Variants in VPS13A observed in about 807,000 individuals in gnomAD.
VPS13A encodes intermembrane lipid transfer protein VPS13A.
In VPS13A, 264 loss-of-function variants were observed where a neutral mutation model predicts 390.9. The ratio of observed to expected loss-of-function variants is 0.68; its 90% CI spans 0.61 to 0.75. The LOEUF (loss-of-function observed/expected upper bound fraction) is 0.75. Ranked by LOEUF, VPS13A falls within the 30% of genes least tolerant of loss-of-function variation. VPS13A has a pLI of 0.00. For synonymous variants in VPS13A, 1,231 were observed against 1,227.1 expected, an observed-to-expected ratio of 1.00 and a Z score of -0.07; for missense variants, 3,409 against 3,733.9, an observed-to-expected ratio of 0.91 and a Z score of 2.27.
intron 23 of VPS13A, among the ~76,000 whole-genome samples, chr9:77,260,883 T>G (rs963539730): frequency 6.6e-6 from 1 of 151,990 alleles, no homozygotes; most frequent in African/African-American, 2.4e-5. Flanking sequence ...TATGTGTGTG[T>G]ATACATACAT....
intron 13 of VPS13A, among the ~76,000 whole-genome samples, chr9:77,222,633 T>C (rs1044166013): frequency 2.6e-5 from 4 of 152,186 alleles, no homozygotes; most frequent in African/African-American, 9.6e-5. Context: ...TATTCCTGTC[T>C]ATGTGTCACA....
intron 22 of VPS13A, among the ~76,000 whole-genome samples, chr9:77,253,936 CTTTTTTTT>C (rs1172781069): frequency 1.1e-4 from 6 of 55,064 alleles, no homozygotes; most frequent in South Asian, 1.6e-3. Flanking sequence ...GGCCTTTATT[CTTTTTTTT>C]TTTTTTTTTT....
intron 1 of VPS13A, among the ~76,000 whole-genome samples, chr9:77,196,673 T>C (rs1305204545): frequency 6.7e-6 from 1 of 149,630 alleles, no homozygotes; most frequent in Non-Finnish European, 1.5e-5. Context: ...TTGTTTTGTT[T>C]TGTTTTTTTT....
At chr9:77,404,159 A>G (rs1253388433) in intron 69 of VPS13A, among the ~76,000 whole-genome samples, 3 of 152,196 alleles carry the variant, frequency 2.0e-5, no homozygotes, top group African/African-American at 7.2e-5. Context: ...GTAAGTCTTC[A>G]TTCCACCCCA....
chr9:77,252,418 T>C, intron 22 of VPS13A, 66 bp downstream of exon 22: 1 of 1,245,204 alleles, frequency 8.0e-7, no homozygotes, highest in Non-Finnish European at 1.2e-6. Context: ...GGAAATACCA[T>C]ACTTAACTGA....
At chr9:77,280,371 G>GT (rs989703766) in intron 27 of VPS13A, 133 bp downstream of exon 27, 78 of 651,972 alleles carry the variant, frequency 1.2e-4, no homozygotes, top group African/African-American at 1.5e-4. Context: ...TAATACTAAG[G>GT]TTTTTTTTAT....
chr9:77,339,559 C>G lies in VPS13A; in HGVS notation c.6422C>G (p.Ala2141Gly), dbSNP rs1234360682. The G allele has an allele frequency of 6.3e-7, 1 of 1,581,192 alleles. No homozygotes were observed. The highest frequency in any genetic ancestry group is 1.4e-5 in the African/African-American group (1 of 73,754). ...SVFTLSEGHS[A>G]QICTAQLGKA... ...TTTACTCTAAGTGAAGGACATTCAGCCCAGATTTGTACTGCACAGTTGGGT... is the reference window on the plus strand; with the variant it reads ...TTTACTCTAAGTGAAGGACATTCAGGCCAGATTTGTACTGCACAGTTGGGT... The change falls in exon 48 of 72, where the codon GCC becomes GGC. Residue 2141 changes from alanine to glycine, a missense_variant. Ala to Gly is a moderately conservative substitution (Grantham distance 60). Coordinates refer to ENST00000360280, the MANE Select transcript of VPS13A (RefSeq NM_033305.3).
At chr9:77,236,505 C>G (rs909092626) in intron 17 of VPS13A, among the ~76,000 whole-genome samples, 2 of 152,122 alleles carry the variant, frequency 1.3e-5, no homozygotes, top group African/African-American at 4.8e-5. Flanking sequence ...ATGTAGTTTT[C>G]CATTTGTTTA....
chr9:77,250,047 T>TA, intron 20 of VPS13A, 50 bp from the exon 21 acceptor site: 1 of 1,598,966 alleles, frequency 6.3e-7, no homozygotes, highest in Non-Finnish European at 8.5e-7. Flanking sequence ...ACTTTATACT[T>TA]ACATTTTGAA....
At chr9:77,225,632 G>C (rs1823465392) in intron 13 of VPS13A, among the ~76,000 whole-genome samples, 1 of 152,132 alleles carries the variant, frequency 6.6e-6, no homozygotes, top group African/African-American at 2.4e-5. Flanking sequence ...TTTAAACAAT[G>C]CATGTACATA....
At chr9:77,388,405 A>G (rs1833776040) in intron 68 of VPS13A, among the ~76,000 whole-genome samples, 1 of 152,122 alleles carries the variant, frequency 6.6e-6, no homozygotes, top group Non-Finnish European at 1.5e-5. Flanking sequence ...TTTCATAGGG[A>G]TTTATTGTCC....
chr9:77,302,327 A>G (rs1828420506), intron 33 of VPS13A, among the ~76,000 whole-genome samples: 1 of 143,378 alleles, frequency 7.0e-6, no homozygotes, highest in Admixed American at 6.9e-5. Context: ...TGCACTTTTT[A>G]CCATATTCCA....
intron 27 of VPS13A, among the ~76,000 whole-genome samples, chr9:77,281,204 G>T (rs1020408053): frequency 1.3e-5 from 2 of 152,022 alleles, no homozygotes; most frequent in South Asian, 4.1e-4. Flanking sequence ...TAGACAGGAA[G>T]AATAATTTTT....
At chr9:77,403,611 CCT>C (rs963975725) in intron 69 of VPS13A, among the ~76,000 whole-genome samples, 2 of 152,202 alleles carry the variant, frequency 1.3e-5, no homozygotes, top group African/African-American at 4.8e-5. Context: ...TAAGCTTTCT[CCT>C]CTCTGAAGAA....
In VPS13A at chr9:77,246,094, T is replaced by C. The variant is rs200464178; in HGVS notation, c.1901-1165T>C. Among the ~76,000 whole-genome samples, 271 of 152,342 alleles carry C rather than the reference T, an allele frequency of 1.8e-3. 2 individuals are homozygous for C. The highest frequency in any genetic ancestry group is 6.2e-3 in the African/African-American group (258 of 41,578). The stretch of plus-strand genomic sequence containing the variant: ...CCCCCATGACCCAGACAGGTCTTAT[T>C]AGGGTCCCACCTCCAGCATTAAAAA... On this transcript the variant is annotated intron_variant, in intron 19 of 71. Transcript: ENST00000360280.
chr9:77,351,454 T>G lies in VPS13A; in HGVS notation c.7419+8T>G. 2 of 1,612,510 alleles carry G rather than the reference T, an allele frequency of 1.2e-6. No individual in the cohort carries two copies. Among genetic ancestry groups the G allele is most frequent in the Non-Finnish European group, 1.7e-6 (2 of 1,178,944 alleles). On this transcript the variant is annotated splice_region_variant and intron_variant, in intron 53 of 71. Coordinates refer to ENST00000360280, the MANE Select transcript of VPS13A (RefSeq NM_033305.3). Reference sequence around the variant, plus strand: ...GAAGTAACACAGAAGGATGTAAGTATTGGGTTATTATGGTGTTCCCAGCAG... The same window carrying G: ...GAAGTAACACAGAAGGATGTAAGTAGTGGGTTATTATGGTGTTCCCAGCAG...
chr9:77,243,459 T>G (rs1248725024), intron 19 of VPS13A, among the ~76,000 whole-genome samples: 1 of 152,172 alleles, frequency 6.6e-6, no homozygotes, highest in Non-Finnish European at 1.5e-5. Flanking sequence ...CCTTCCTTTC[T>G]AAGAACTCAA....
chr9:77,185,555 G>T (rs796430378), intron 1 of VPS13A, among the ~76,000 whole-genome samples: 3 of 152,260 alleles, frequency 2.0e-5, no homozygotes, highest in African/African-American at 7.2e-5. Flanking sequence ...GGTTATCTAA[G>T]GGTTCTGTGT....
chr9:77,250,097 G>A lies in VPS13A; in HGVS notation c.2038G>A (p.Val680Met). ...LLLLDLGHLK[V>M]TSKSRSELPD... ...CTAAACTATTAAAATTAACTTGAAG[G>A]TGACGAGTAAAAGTCGTTCTGAATT... The change falls in exon 21 of 72, where the codon GTG becomes ATG. Residue 680 changes from valine to methionine, a missense_variant and splice_region_variant. By Grantham distance (21) the Val-to-Met change is conservative (BLOSUM62 1). Around this residue, in one of 5 missense-constraint regions of VPS13A, gnomAD observed 2,717 missense variants for 2,917.4 expected, o/e 0.93. Transcript: ENST00000360280. 1.2e-6 allele frequency: 2 copies of A among 1,613,598 alleles called. No homozygotes were observed. Among genetic ancestry groups the A allele is most frequent in the East Asian group, 2.2e-5 (1 of 44,774 alleles).
Sources: allele counts gnomAD v4.1 joint callset (sites outside exome capture counted in the v4.1 genomes callset), GRCh38; gene constraint gnomAD v4.1.1; regional missense constraint gnomAD v4.1.1; transcripts MANE v1.5; gene names NCBI Gene and HGNC (gene_info 2026-07-23, HGNC 2026-07-21).